EP300: variants seen among roughly 807,000 people sequenced by gnomAD.
EP300 encodes histone acetyltransferase p300.
EP300 carries 31 observed loss-of-function variants against 264.0 expected under a neutral mutation model. That is an observed-to-expected ratio of 0.12 (90% CI 0.09 to 0.16). The LOEUF (loss-of-function observed/expected upper bound fraction) is 0.16. EP300 is among the 10% of genes least tolerant of loss of function. EP300 has a pLI of 1.00. For synonymous variants in EP300, 1,340 were observed against 1,045.4 expected (o/e 1.28, Z -5.44); for missense variants, 2,766 against 3,052.9 (o/e 0.91, Z 2.21).
In EP300 at chr22:41,149,438, G is replaced by T. The variant is rs558722515; in HGVS notation, c.2379+263G>T. On this transcript the variant is annotated intron_variant, in intron 13 of 30. Transcript: ENST00000263253. ...AGTGAACACTTTAAAATAAATCTTA[G>T]AATTAAACACAATGTAGAAGGAAAT... Among the ~76,000 whole-genome samples the T allele has an allele frequency of 7.9e-5, 12 of 152,214 alleles. No homozygotes were observed. In the South Asian group the frequency reaches 2.5e-3, roughly 32 times the overall value.
chr22:41,139,474 G>A (rs1244025025), intron 8 of EP300, among the ~76,000 whole-genome samples: 1 of 152,096 alleles, frequency 6.6e-6, no homozygotes, highest in Non-Finnish European at 1.5e-5. Flanking sequence ...TACCAACTTG[G>A]TATTATTCTG....
intron 12 of EP300, chr22:41,148,814 AG>A (rs145319184): frequency 3.4e-6 from 2 of 584,626 alleles, no homozygotes; most frequent in African/African-American, 3.7e-5. Flanking sequence ...TATTTCTTGG[AG>A]TAGGCCTAGG....
intron 22 of EP300, among the ~76,000 whole-genome samples, chr22:41,165,299 T>C (rs755151230): frequency 6.6e-6 from 1 of 152,228 alleles, no homozygotes; most frequent in Non-Finnish European, 1.5e-5. Context: ...GTAATTTATG[T>C]TCATTATAAA....
At position 41,173,626 on chromosome 22, in the gene EP300, A is replaced by G. The variant is rs778189001; in HGVS notation, c.4621A>G (p.Thr1541Ala). The change falls in exon 29 of 31, where the codon ACC becomes GCC. Residue 1541 changes from threonine (T) to alanine (A), a missense_variant. Coordinates refer to ENST00000263253, the MANE Select transcript of EP300 (RefSeq NM_001429.4). ...TCTCCTTTGTGCTACTCTGCAGGTGACCAAGGGAGACAGCAAAAATGCTAA... is the reference window on the plus strand; with the variant it reads ...TCTCCTTTGTGCTACTCTGCAGGTGGCCAAGGGAGACAGCAAAAATGCTAA... The part of the protein sequence containing the change: ...ENTSNESTDV[T>A]KGDSKNAKKK... The G allele has an allele frequency of 1.1e-5, 17 of 1,614,064 alleles. No individual in the cohort carries two copies. The highest frequency in any genetic ancestry group is 6.8e-6 in the Non-Finnish European group (8 of 1,180,028).
intron 23 of EP300, among the ~76,000 whole-genome samples, chr22:41,167,576 GTGTGTGTGTATATATATA>G (rs1313515882): frequency 1.8e-3 from 52 of 29,472 alleles, no homozygotes; most frequent in African/African-American, 6.1e-3. Context: ...GTGTGTGTGT[GTGTGTGTGTATATATATA>G]TATATATATA....
At chr22:41,147,102 G>T (rs369638709) in intron 11 of EP300, among the ~76,000 whole-genome samples, 3 of 151,672 alleles carry the variant, frequency 2.0e-5, no homozygotes, top group African/African-American at 7.3e-5. Flanking sequence ...GTCAAAGTAC[G>T]AGACCAGCCT....
chr22:41,106,852 C>G (rs1569084804), intron 1 of EP300, among the ~76,000 whole-genome samples: 2 of 152,160 alleles, frequency 1.3e-5, no homozygotes. Flanking sequence ...CTTGGCCTCC[C>G]AAAGTGCCAT....
At chr22:41,113,224 C>T (rs569872136) in intron 1 of EP300, among the ~76,000 whole-genome samples, 6 of 133,072 alleles carry the variant, frequency 4.5e-5, no homozygotes, top group South Asian at 5.3e-4. Context: ...TATATGATTT[C>T]TTTTTTATTA....
rs5758252 is a variant in EP300 at position 41,178,231 on chromosome 22, A to G, written c.6520A>G (p.Thr2174Ala). Residue 2174 changes from threonine to alanine, a missense_variant, in exon 31 of 31, where the codon ACC (threonine) becomes GCC (alanine). Thr to Ala is a moderately conservative substitution (Grantham distance 58). Coordinates refer to ENST00000263253, the MANE Select transcript of EP300 (RefSeq NM_001429.4). ...QAQQMNMNHN[T>A]MPSQFRDILR... is the part of the protein sequence containing the mutation. Reference sequence around the variant, plus strand: ...TCAGCAGATGAACATGAACCACAACACCATGCCTTCACAATTCCGAGACAT... The same window carrying G: ...TCAGCAGATGAACATGAACCACAACGCCATGCCTTCACAATTCCGAGACAT... The G allele has an allele frequency of 6.2e-7, 1 of 1,613,730 alleles. No homozygotes were observed. Among genetic ancestry groups the G allele is most frequent in the Non-Finnish European group, 8.5e-7 (1 of 1,179,930 alleles).
intron 1 of EP300, among the ~76,000 whole-genome samples, chr22:41,103,558 A>G (rs1475193997): frequency 6.6e-6 from 1 of 152,214 alleles, no homozygotes; most frequent in African/African-American, 2.4e-5. Context: ...GAAAATGTAT[A>G]TTTGAACAGG....
chr22:41,140,090 C>A (rs780811427), intron 8 of EP300, 50 bp from the exon 9 acceptor site: 1 of 1,323,386 alleles, frequency 7.6e-7, no homozygotes, highest in East Asian at 2.3e-5. Context: ...CAGAAAAATA[C>A]TAATTAAATG....
At chr22:41,123,093 A>G (rs1234631400) in intron 2 of EP300, among the ~76,000 whole-genome samples, 1 of 152,218 alleles carries the variant, frequency 6.6e-6, no homozygotes, top group Non-Finnish European at 1.5e-5. Flanking sequence ...TCCAAAACAG[A>G]TGCTTCACAG....
chr22:41,169,448 C>T (rs1314048602), intron 25 of EP300, 55 bp from the exon 26 acceptor site: 12 of 1,082,118 alleles, frequency 1.1e-5, no homozygotes, highest in Middle Eastern at 2.8e-4. Flanking sequence ...GAGTAAAGAA[C>T]TCATTATGTG....
Position 41,157,155 on chromosome 22 carries a change from A to G in EP300, c.3262-14A>G, listed in dbSNP as rs767494828. ...TGAGACTTGAGTAATGTTTGATGTC[A>G]CTTGTCTTTCTAGGATTACTTTGAT... On this transcript the variant is annotated splice_polypyrimidine_tract_variant and intron_variant, in intron 17 of 30. Transcript: ENST00000263253. The G allele has an allele frequency of 5.6e-6, 9 of 1,613,774 alleles. No homozygotes were observed. The African/African-American group carries it at 1.2e-4, about 22-fold the overall frequency.
Position 41,126,078 on chromosome 22 carries a change from G to A in EP300, c.906+38G>A, listed in dbSNP as rs372501782. ...CCATTACAGACTTGTTTTCAAACTGGCATTTTGACAAAAGAATTGTGTTAA... is the reference window on the plus strand; with the variant it reads ...CCATTACAGACTTGTTTTCAAACTGACATTTTGACAAAAGAATTGTGTTAA... On this transcript the variant is annotated intron_variant, in intron 3 of 30. Transcript: ENST00000263253. 11 of 1,599,930 alleles carry A rather than the reference G, an allele frequency of 6.9e-6. No individual in the cohort carries two copies. In the African/African-American group the frequency reaches 1.3e-4, roughly 19 times the overall value.
intron 16 of EP300, among the ~76,000 whole-genome samples, chr22:41,154,567 CGAG>C (rs2145743786): frequency 6.6e-6 from 1 of 151,774 alleles, no homozygotes; most frequent in African/African-American, 2.4e-5. Flanking sequence ...TTAGTAGAGA[CGAG>C]GTTTCACCAT....
At chr22:41,176,679 C>G (rs1247569076) in intron 30 of EP300, 94 bp from the exon 31 acceptor site, 1 of 1,612,040 alleles carries the variant, frequency 6.2e-7, no homozygotes, top group African/African-American at 1.3e-5. Flanking sequence ...TTTTGTTCTA[C>G]GAAAGGGGCT....
chr22:41,154,989 T>G lies in EP300; in HGVS notation c.3143-6T>G. 1 of 1,597,896 alleles carries G rather than the reference T, an allele frequency of 6.3e-7. No homozygotes were observed. Among genetic ancestry groups the G allele is most frequent in the African/African-American group, 1.3e-5 (1 of 74,778 alleles). On this transcript the variant is annotated splice_polypyrimidine_tract_variant and splice_region_variant and intron_variant, in intron 16 of 30. Transcript: ENST00000263253. Reference sequence around the variant, plus strand: ...ACTAATTTCAAATGCACTTTTTTTTTTTAAGTTTTCAAACCAGAAGAACTA... The same window carrying G: ...ACTAATTTCAAATGCACTTTTTTTTGTTAAGTTTTCAAACCAGAAGAACTA...
intron 4 of EP300, among the ~76,000 whole-genome samples, chr22:41,128,512 T>C (rs2058896571): frequency 6.6e-6 from 1 of 152,110 alleles, no homozygotes. Flanking sequence ...TTTTATTTTA[T>C]TTATTTGTTT....
Sources: gnomAD v4.1 joint callset for allele counts (sites outside exome capture counted in the v4.1 genomes callset) on GRCh38, gnomAD v4.1.1 for gene constraint, MANE v1.5 for transcripts, NCBI Gene and HGNC (gene_info 2026-07-23, HGNC 2026-07-21) for gene names.